PDE3A: variants seen among roughly 807,000 people sequenced by gnomAD.
PDE3A encodes the protein cGMP-inhibited 3',5'-cyclic phosphodiesterase 3A.
PDE3A carries 43 observed loss-of-function variants against 98.3 expected under a neutral mutation model. The ratio of observed to expected loss-of-function variants is 0.44; its 90% CI spans 0.34 to 0.56. The LOEUF (loss-of-function observed/expected upper bound fraction) is 0.56, where lower values mean the gene tolerates loss of function less well. PDE3A is among the 20% of genes least tolerant of loss of function. PDE3A has a pLI of 0.01. For missense variants in PDE3A, 1,427 were observed against 1,440.7 expected, an observed-to-expected ratio of 0.99 and a Z score of 0.15; for synonymous variants, 663 against 567.9, an observed-to-expected ratio of 1.17 and a Z score of -2.38.
At position 20,487,490 on chromosome 12, in the gene PDE3A, CCT is replaced by C. The variant is rs1458094947; in HGVS notation, c.961-69169_961-69168del. 4.0e-5 allele frequency among the ~76,000 whole-genome samples: 5 copies of C among 123,922 alleles called. No homozygotes were observed. The Admixed American group carries it at 4.7e-4, about 12-fold the overall frequency. 81.3% of individuals were successfully genotyped at this position (123,922 alleles called of 152,430 possible). On this transcript the variant is annotated intron_variant, in intron 1 of 15. Coordinates refer to ENST00000359062, the MANE Select transcript of PDE3A (RefSeq NM_000921.5). Reference sequence around the variant, plus strand: ...ACCAGCCTGGTCAACATGGTGAAACCCTGTCTCTACTAAAAAAAAAAAAAAAA... The same window carrying C: ...ACCAGCCTGGTCAACATGGTGAAACCGTCTCTACTAAAAAAAAAAAAAAAA...
intron 1 of PDE3A, among the ~76,000 whole-genome samples, chr12:20,388,407 G>A (rs973033395): frequency 5.3e-5 from 8 of 151,972 alleles, no homozygotes; most frequent in Middle Eastern, 3.2e-3. Context: ...ATACATCCAC[G>A]TGTATGCACA....
At chr12:20,670,059 T>TA (rs1305519790) in intron 15 of PDE3A, among the ~76,000 whole-genome samples, 1 of 149,856 alleles carries the variant, frequency 6.7e-6, no homozygotes, top group East Asian at 2.0e-4. Context: ...TAGTCTCTGA[T>TA]AAAACAGACT....
intron 1 of PDE3A, among the ~76,000 whole-genome samples, chr12:20,531,745 G>A (rs934156783): frequency 6.6e-6 from 1 of 152,134 alleles, no homozygotes; most frequent in Non-Finnish European, 1.5e-5. Context: ...ACAGTGTCAA[G>A]ACATTGCGCT....
intron 2 of PDE3A, among the ~76,000 whole-genome samples, chr12:20,579,616 C>A (rs1943018846): frequency 6.6e-6 from 1 of 152,142 alleles, no homozygotes; most frequent in Non-Finnish European, 1.5e-5. Flanking sequence ...CCATAGACCA[C>A]CTCTTTCCAG....
At chr12:20,637,286 C>G (rs1944537486) in intron 9 of PDE3A, 49 bp downstream of exon 9, 1 of 1,416,490 alleles carries the variant, frequency 7.1e-7, no homozygotes, top group Non-Finnish European at 9.7e-7. Context: ...AAAAACAGTT[C>G]CTTTGTTGCT....
Position 20,616,395 on chromosome 12 carries a change from G to A in PDE3A, c.1424+11G>A. Reference sequence around the variant, plus strand: ...AGCACCTTCATCCAGGTGGCATACGGCTCCTGCTGGTTTAATGTCTCTTAG... The same window carrying A: ...AGCACCTTCATCCAGGTGGCATACGACTCCTGCTGGTTTAATGTCTCTTAG... On this transcript the variant is annotated intron_variant, in intron 4 of 15. Coordinates refer to ENST00000359062, the MANE Select transcript of PDE3A (RefSeq NM_000921.5). The A allele has an allele frequency of 6.2e-7, 1 of 1,611,366 alleles. No homozygotes were observed. The highest frequency in any genetic ancestry group is 1.3e-5 in the African/African-American group (1 of 74,936).
intron 5 of PDE3A, among the ~76,000 whole-genome samples, chr12:20,622,282 C>T (rs2121483954): frequency 6.6e-6 from 1 of 152,170 alleles, no homozygotes; most frequent in African/African-American, 2.4e-5. Flanking sequence ...AATAGCTGCA[C>T]CCCTCTGTCT....
chr12:20,599,181 G>A (rs1943532761), intron 2 of PDE3A, among the ~76,000 whole-genome samples: 2 of 151,912 alleles, frequency 1.3e-5, no homozygotes, highest in South Asian at 2.1e-4. Flanking sequence ...CAGTCCCCAC[G>A]TGCTGCCTTC....
intron 2 of PDE3A, among the ~76,000 whole-genome samples, chr12:20,563,393 C>T (rs1268203683): frequency 1.3e-5 from 2 of 151,500 alleles, no homozygotes; most frequent in Non-Finnish European, 2.9e-5. Flanking sequence ...GCCGTATTTC[C>T]CAGGAATTTG....
chr12:20,468,636 G>T (rs1161508236), intron 1 of PDE3A, among the ~76,000 whole-genome samples: 1 of 152,056 alleles, frequency 6.6e-6, no homozygotes, highest in Non-Finnish European at 1.5e-5. Context: ...CCCTCTATAC[G>T]CAGCTCCAAG....
intron 1 of PDE3A, among the ~76,000 whole-genome samples, chr12:20,533,094 T>G (rs1367115325): frequency 6.6e-6 from 1 of 152,206 alleles, no homozygotes; most frequent in East Asian, 1.9e-4. Context: ...AATTTGGAAC[T>G]TCAACTATAC....
intron 15 of PDE3A, among the ~76,000 whole-genome samples, chr12:20,663,582 A>C (rs1241793781): frequency 2.0e-5 from 3 of 152,220 alleles, no homozygotes; most frequent in African/African-American, 7.2e-5. Context: ...AAGGTATAAC[A>C]ACTGCCCTTT....
chr12:20,686,107 GTA>G lies in PDE3A; in HGVS notation c.*5838_*5839del, dbSNP rs1340933893. ...GAATATTTTGATATAATAAGAACTA[GTA>G]TCATATAACAGAAAACTAGAAAGAA... On this transcript the variant is annotated 3_prime_UTR_variant, in exon 16 of 16. Transcript: ENST00000359062. 6.6e-6 allele frequency among the ~76,000 whole-genome samples: 1 copy of G among 151,966 alleles called. No homozygotes were observed. The highest frequency in any genetic ancestry group is 2.4e-5 in the African/African-American group (1 of 41,396).
chr12:20,546,679 A>T (rs1942068597), intron 1 of PDE3A, among the ~76,000 whole-genome samples: 1 of 152,090 alleles, frequency 6.6e-6, no homozygotes, highest in South Asian at 2.1e-4. Flanking sequence ...TGGTTCTAAA[A>T]GGCAACCCCT....
intron 1 of PDE3A, among the ~76,000 whole-genome samples, chr12:20,375,509 G>A (rs1822753): frequency 0.78 from 117,679 of 151,792 alleles, 45,966 homozygotes; most frequent in East Asian, 0.98. Flanking sequence ...TGTGTTGTAT[G>A]ACAATCGTAA....
At position 20,557,439 on chromosome 12, in the gene PDE3A, A is replaced by G. The variant is rs149779355; in HGVS notation, c.1011+729A>G. On this transcript the variant is annotated intron_variant, in intron 2 of 15. Transcript: ENST00000359062. ...AAAATAATTTCTCTCATGGCAGGCT[A>G]TGGTTACCTGACTGTAAACATGCAA... 3.9e-3 allele frequency among the ~76,000 whole-genome samples: 592 copies of G among 152,286 alleles called. 5 individuals are homozygous for G. Among genetic ancestry groups the G allele is most frequent in the African/African-American group, 0.013 (549 of 41,580 alleles).
intron 1 of PDE3A, among the ~76,000 whole-genome samples, chr12:20,428,840 A>G (rs1284643852): frequency 6.6e-6 from 1 of 152,222 alleles, no homozygotes; most frequent in Non-Finnish European, 1.5e-5. Flanking sequence ...AGTTGTGTGC[A>G]ACAGCTTTCT....
intron 4 of PDE3A, among the ~76,000 whole-genome samples, chr12:20,616,783 C>T (rs1187368213): frequency 6.6e-6 from 1 of 152,054 alleles, no homozygotes; most frequent in Non-Finnish European, 1.5e-5. Flanking sequence ...TCCCACAAGA[C>T]CAGCTGTCTT....
chr12:20,492,236 G>T (rs140164488), intron 1 of PDE3A, among the ~76,000 whole-genome samples: 2 of 152,018 alleles, frequency 1.3e-5, no homozygotes, highest in African/African-American at 2.4e-5. Context: ...CTCCCACCTC[G>T]CCCTCACAAA....
Sources: gnomAD v4.1 joint callset for allele counts (sites outside exome capture counted in the v4.1 genomes callset) on GRCh38, gnomAD v4.1.1 for gene constraint, MANE v1.5 for transcripts, NCBI Gene and HGNC (gene_info 2026-07-23, HGNC 2026-07-21) for gene names.